The following CUBN variants were observed in gnomAD, a reference collection of about 807,000 sequenced individuals.
The protein encoded by CUBN is cubilin.
CUBN carries 282 observed loss-of-function variants against 405.3 expected under a neutral mutation model. The observed-to-expected ratio is 0.70, with a 90% CI of 0.63 to 0.77. The LOEUF is 0.77. Among genes scored for constraint, CUBN ranks in the 30% least tolerant of loss-of-function variants. CUBN has a pLI of 0.00. For missense variants in CUBN, 4,514 were observed against 4,475.2 expected, an observed-to-expected ratio of 1.01 and a Z score of -0.25; for synonymous variants, 1,684 against 1,617.0, an observed-to-expected ratio of 1.04 and a Z score of -0.99.
intron 28 of CUBN, among the ~76,000 whole-genome samples, chr10:17,015,450 A>G (rs957171849): frequency 6.6e-6 from 1 of 152,220 alleles, no homozygotes; most frequent in East Asian, 1.9e-4. Context: ...AAGTCTCCCA[A>G]TTACAACTGA....
intron 60 of CUBN, among the ~76,000 whole-genome samples, chr10:16,849,408 TGGAA>T (rs1839613475): frequency 6.6e-6 from 1 of 152,176 alleles, no homozygotes; most frequent in Admixed American, 6.5e-5. Context: ...TTTCTCCTGA[TGGAA>T]GGAAGGCTCT....
At chr10:17,001,419 G>GT (rs1271502489) in intron 28 of CUBN, among the ~76,000 whole-genome samples, 3 of 152,086 alleles carry the variant, frequency 2.0e-5, no homozygotes, top group Non-Finnish European at 4.4e-5. Flanking sequence ...TGATTGGTCC[G>GT]TTTTACAGGG....
chr10:16,957,338 G>A (rs1254096422), intron 31 of CUBN, among the ~76,000 whole-genome samples: 2 of 151,916 alleles, frequency 1.3e-5, no homozygotes, highest in African/African-American at 4.8e-5. Flanking sequence ...AGTCCTTCAG[G>A]CTCATCCATG....
At chr10:17,128,074 T>C (rs1588662326) in intron 2 of CUBN, 150 bp from the exon 3 acceptor site, 1 of 590,260 alleles carries the variant, frequency 1.7e-6, no homozygotes, top group African/African-American at 1.9e-5. Context: ...ACACCATGCG[T>C]AATAAACACT....
chr10:17,083,118 T>G (rs1487558544), intron 17 of CUBN, among the ~76,000 whole-genome samples: 1 of 152,152 alleles, frequency 6.6e-6, no homozygotes, highest in East Asian at 1.9e-4. Flanking sequence ...TTCCGTAGTG[T>G]AAAACTTTAA....
intron 22 of CUBN, among the ~76,000 whole-genome samples, chr10:17,053,497 T>A (rs1258300169): frequency 6.6e-6 from 1 of 152,034 alleles, no homozygotes; most frequent in East Asian, 1.9e-4. Context: ...CATTTCATAA[T>A]GACAAAGGGG....
chr10:16,922,552 A>G (rs1388117074), intron 43 of CUBN, among the ~76,000 whole-genome samples: 1 of 152,142 alleles, frequency 6.6e-6, no homozygotes, highest in Admixed American at 6.5e-5. Flanking sequence ...TTTGATTAAC[A>G]TCTTAACTAA....
intron 17 of CUBN, among the ~76,000 whole-genome samples, chr10:17,075,054 G>A (rs1374748638): frequency 7.0e-6 from 1 of 142,456 alleles, no homozygotes; most frequent in Non-Finnish European, 1.5e-5. Context: ...GTAGTAAAGA[G>A]AAGATTTTTC....
chr10:16,973,941 G>A (rs189347169), intron 31 of CUBN, among the ~76,000 whole-genome samples: 10 of 152,208 alleles, frequency 6.6e-5, no homozygotes, highest in Non-Finnish European at 1.0e-4. Context: ...GGACAGTGCC[G>A]CGATGAACAC....
chr10:17,009,333 C>G (rs1211992410), intron 28 of CUBN, among the ~76,000 whole-genome samples: 2 of 152,182 alleles, frequency 1.3e-5, no homozygotes, highest in Non-Finnish European at 2.9e-5. Flanking sequence ...GCAGAATAGA[C>G]AGAGGGTGCC....
chr10:16,980,758 T>G (rs1179324263), intron 31 of CUBN, among the ~76,000 whole-genome samples: 5 of 151,838 alleles, frequency 3.3e-5, no homozygotes, highest in Non-Finnish European at 5.9e-5. Flanking sequence ...GGTTGATGAG[T>G]GCAGCAAACC....
At chr10:16,915,201 T>C in intron 46 of CUBN, 29 bp from the exon 47 acceptor site, 2 of 1,612,794 alleles carry the variant, frequency 1.2e-6, no homozygotes, top group Non-Finnish European at 1.7e-6. Flanking sequence ...TAAATATACA[T>C]GTCCAAGTGA....
rs1307824825 is a variant in CUBN, at chr10:16,888,599, T to A, written c.8756-33A>T. Reference sequence around the variant, plus strand: ...GGAACAAAAAGTCATCATCAGATCATTTATTTCTCGTGTATCTATTTTGTC... The same window carrying A: ...GGAACAAAAAGTCATCATCAGATCAATTATTTCTCGTGTATCTATTTTGTC... On this transcript the variant is annotated intron_variant, in intron 55 of 66. Transcript: ENST00000377833. 3.8e-6 allele frequency: 6 copies of A among 1,599,604 alleles called. No homozygotes were observed. The South Asian group carries it at 5.5e-5, about 15-fold the overall frequency.
At chr10:16,954,931 T>C (rs1843010448) in intron 31 of CUBN, among the ~76,000 whole-genome samples, 3 of 152,230 alleles carry the variant, frequency 2.0e-5, no homozygotes, top group Non-Finnish European at 4.4e-5. Flanking sequence ...TGATGAGTGA[T>C]GAGCATTTGT....
chr10:16,903,520 A>G (rs902070050), intron 51 of CUBN, among the ~76,000 whole-genome samples: 1 of 151,756 alleles, frequency 6.6e-6, no homozygotes. Context: ...GAGAATCTAT[A>G]GACAACATAT....
At chr10:16,928,518 CACCCCA>C (rs1842267926) in intron 40 of CUBN, among the ~76,000 whole-genome samples, 21 of 110,694 alleles carry the variant, frequency 1.9e-4, no homozygotes, top group African/African-American at 4.7e-4. Context: ...ACCCCCACCC[CACCCCA>C]CCCCCCCCTT....
intron 54 of CUBN, among the ~76,000 whole-genome samples, chr10:16,897,873 G>C (rs916082855): frequency 6.6e-6 from 1 of 152,104 alleles, no homozygotes; most frequent in African/African-American, 2.4e-5. Context: ...GATGTTATCA[G>C]AGGGACCCCC....
intron 22 of CUBN, among the ~76,000 whole-genome samples, chr10:17,060,149 TTCGC>T (rs1242032974): frequency 6.6e-6 from 1 of 151,992 alleles, no homozygotes; most frequent in Non-Finnish European, 1.5e-5. Context: ...TTCATGGAGT[TTCGC>T]TCTTGTTGCC....
At chr10:17,110,813 G>T in intron 9 of CUBN, 106 bp downstream of exon 9, 1 of 1,529,474 alleles carries the variant, frequency 6.5e-7, no homozygotes. Context: ...ATGAGCAACT[G>T]CACTCAGCCA....
Sources: gnomAD v4.1 joint callset for allele counts (sites outside exome capture counted in the v4.1 genomes callset) on GRCh38, gnomAD v4.1.1 for gene constraint, MANE v1.5 for transcripts, NCBI Gene and HGNC (gene_info 2026-07-23, HGNC 2026-07-21) for gene names.